USP47: variants seen among roughly 807,000 people sequenced by gnomAD.
The protein encoded by USP47 is ubiquitin carboxyl-terminal hydrolase 47.
In USP47, 35 loss-of-function variants were observed where a neutral mutation model predicts 165.1. The observed-to-expected ratio is 0.21, with a 90% CI of 0.16 to 0.28. The LOEUF (loss-of-function observed/expected upper bound fraction) is 0.28, where lower values mean the gene tolerates loss of function less well. Ranked by LOEUF, USP47 falls within the 10% of genes least tolerant of loss-of-function variation. The pLI, the probability that USP47 is intolerant of heterozygous loss-of-function variation, is 1.00. For missense variants in USP47, 1,277 were observed against 1,607.4 expected (o/e 0.79, Z 3.52); for synonymous variants, 531 against 544.5 (o/e 0.98, Z 0.35).
chr11:11,876,179 A>C (rs1850405903), intron 1 of USP47, among the ~76,000 whole-genome samples: 2 of 152,168 alleles, frequency 1.3e-5, no homozygotes, highest in South Asian at 4.1e-4. Flanking sequence ...AAACTACATT[A>C]AATGTTTTTC....
chr11:11,858,265 T>C (rs540741898), intron 1 of USP47, among the ~76,000 whole-genome samples: 110 of 152,130 alleles, frequency 7.2e-4, no homozygotes, highest in East Asian at 1.2e-3. Flanking sequence ...ACTAATATTA[T>C]AGCCCCTCCA....
intron 18 of USP47, 139 bp downstream of exon 18, chr11:11,938,511 TAAAAG>T (rs1039397087): frequency 1.1e-5 from 7 of 646,650 alleles, no homozygotes; most frequent in African/African-American, 7.3e-5. Context: ...CAACTGTAGT[TAAAAG>T]AAACAGATTG....
At chr11:11,951,629 G>A (rs1590464520) in intron 24 of USP47, 2 of 152,118 alleles carry the variant, frequency 1.3e-5, no homozygotes, top group East Asian at 1.9e-4. Flanking sequence ...ATGAATTCTG[G>A]ATATTTTGTT....
intron 8 of USP47, among the ~76,000 whole-genome samples, chr11:11,915,099 A>G (rs1027430384): frequency 1.3e-5 from 2 of 152,220 alleles, no homozygotes; most frequent in Admixed American, 1.3e-4. Context: ...CAGTAAGTGA[A>G]TGGTTTAACA....
intron 25 of USP47, among the ~76,000 whole-genome samples, chr11:11,953,878 T>G (rs564432644): frequency 1.3e-5 from 2 of 152,220 alleles, no homozygotes; most frequent in African/African-American, 4.8e-5. Flanking sequence ...TAAATTGATA[T>G]GATTTTTTTC....
At chr11:11,951,677 T>C (rs570692468) in intron 24 of USP47, 68 of 152,342 alleles carry the variant, frequency 4.5e-4, no homozygotes, top group African/African-American at 1.5e-3. Flanking sequence ...TCAATAATAC[T>C]AACACCTCAT....
chr11:11,915,130 A>T lies in USP47; in HGVS notation c.970-5026A>T, dbSNP rs74399729. On this transcript the variant is annotated intron_variant, in intron 8 of 27. Coordinates refer to ENST00000527733, the MANE Select transcript of USP47 (RefSeq NM_001282659.2). The stretch of plus-strand genomic sequence containing the variant: ...TAACAAACTGTGGTTCATACAAACC[A>T]TGAAATAGTACTTAGCAATAAAAAG... Among the ~76,000 whole-genome samples the T allele has an allele frequency of 5.7e-3, 876 of 152,354 alleles. 10 individuals are homozygous for T. The highest frequency in any genetic ancestry group is 0.02 in the African/African-American group (836 of 41,590).
chr11:11,851,121 T>G (rs568294546), intron 1 of USP47, among the ~76,000 whole-genome samples: 128 of 152,316 alleles, frequency 8.4e-4, no homozygotes, highest in African/African-American at 3.0e-3. Flanking sequence ...TGGATTGTTT[T>G]CCCAGACAAA....
In USP47 at chr11:11,848,980, A is replaced by G. The variant is rs534113386; in HGVS notation, c.39+6756A>G. ...ATATTTTTCAGTTTAAGTAAAAATG[A>G]GGGTTTACCACTATCCCCAACCACA... On this transcript the variant is annotated intron_variant, in intron 1 of 27. Coordinates refer to ENST00000527733, the MANE Select transcript of USP47 (RefSeq NM_001282659.2). Among the ~76,000 whole-genome samples, 6 of 151,866 alleles carry G rather than the reference A, an allele frequency of 4.0e-5. No individual in the cohort carries two copies. In the East Asian group the frequency reaches 1.2e-3, roughly 30 times the overall value.
intron 1 of USP47, among the ~76,000 whole-genome samples, chr11:11,878,085 A>C (rs1158809866): frequency 6.6e-6 from 1 of 152,078 alleles, no homozygotes; most frequent in Non-Finnish European, 1.5e-5. Flanking sequence ...TTTAGTCTTT[A>C]GATAGGATTT....
At chr11:11,942,141 G>C (rs1855516522) in intron 19 of USP47, among the ~76,000 whole-genome samples, 194 bp from the exon 20 acceptor site, 1 of 152,000 alleles carries the variant, frequency 6.6e-6, no homozygotes, top group Admixed American at 6.6e-5. Context: ...TAGTTTTATG[G>C]CTAGTTACAA....
At chr11:11,947,514 G>A (rs1855920747) in intron 20 of USP47, among the ~76,000 whole-genome samples, 1 of 152,188 alleles carries the variant, frequency 6.6e-6, no homozygotes, top group Non-Finnish European at 1.5e-5. Flanking sequence ...GCAACACTCA[G>A]GTGGGCACTA....
chr11:11,932,897 A>G (rs10765909), intron 14 of USP47, 107 bp from the exon 15 acceptor site: 236,513 of 767,680 alleles, frequency 0.31, 37,188 homozygotes, highest in Middle Eastern at 0.33. Flanking sequence ...ATATATCTCC[A>G]TGAGTGCTAC....
chr11:11,875,132 A>T (rs1850327173), intron 1 of USP47, among the ~76,000 whole-genome samples: 1 of 151,942 alleles, frequency 6.6e-6, no homozygotes, highest in Non-Finnish European at 1.5e-5. Context: ...ATTGAAAGGA[A>T]GAATGTCTTA....
At chr11:11,952,342 T>C (rs1421444185) in intron 24 of USP47, 3 of 152,106 alleles carry the variant, frequency 2.0e-5, no homozygotes, top group Admixed American at 1.3e-4. Flanking sequence ...GGGGAGTAAA[T>C]GGAAAGAGAA....
At chr11:11,866,458 G>A (rs1386778906) in intron 1 of USP47, among the ~76,000 whole-genome samples, 1 of 152,176 alleles carries the variant, frequency 6.6e-6, no homozygotes, top group East Asian at 1.9e-4. Flanking sequence ...TTTAGGCATT[G>A]TGTTCCCCTG....
intron 5 of USP47, among the ~76,000 whole-genome samples, chr11:11,900,067 A>G (rs886182368): frequency 4.6e-5 from 7 of 152,040 alleles, no homozygotes; most frequent in Non-Finnish European, 1.0e-4. Flanking sequence ...AGGATTGACT[A>G]TCCAGAGAGT....
At chr11:11,883,460 T>C (rs947013167) in intron 2 of USP47, among the ~76,000 whole-genome samples, 21 of 152,188 alleles carry the variant, frequency 1.4e-4, no homozygotes, top group East Asian at 9.6e-4. Flanking sequence ...GTCACACAGA[T>C]AGTAAGTAGC....
intron 18 of USP47, 74 bp downstream of exon 18, chr11:11,938,446 T>C (rs989392882): frequency 2.8e-6 from 3 of 1,088,358 alleles, no homozygotes; most frequent in Admixed American, 2.1e-5. Flanking sequence ...GTGACAGTTA[T>C]GAATAAGATA....
Sources: gnomAD v4.1 joint callset for allele counts (sites outside exome capture counted in the v4.1 genomes callset) on GRCh38, gnomAD v4.1.1 for gene constraint, MANE v1.5 for transcripts, NCBI Gene and HGNC (gene_info 2026-07-23, HGNC 2026-07-21) for gene names.